Variants in PRELID2 observed in about 807,000 individuals in gnomAD.
The protein encoded by PRELID2 is PRELI domain-containing protein 2.
Under a neutral mutation model 28.4 loss-of-function variants are expected in PRELID2, and 25 were observed. That is an observed-to-expected ratio of 0.88 (90% CI 0.64 to 1.23). The LOEUF is 1.23. Ranked by LOEUF, PRELID2 falls within the 50% of genes most tolerant of loss-of-function variation. PRELID2 has a pLI of 0.00. For synonymous variants in PRELID2, 76 were observed against 71.6 expected, an observed-to-expected ratio of 1.06 and a Z score of -0.31; for missense variants, 201 against 214.4, an observed-to-expected ratio of 0.94 and a Z score of 0.39.
the PRELID2 span, among the ~76,000 whole-genome samples, chr5:145,416,641 C>G: frequency 3.3e-5 from 5 of 152,020 alleles, no homozygotes; most frequent in Non-Finnish European, 7.4e-5. Flanking sequence ...TGGGACACAG[C>G]TAAAGCAGCA....
intron 1 of PRELID2, among the ~76,000 whole-genome samples, chr5:145,676,631 A>C (rs1255832727): frequency 6.6e-6 from 1 of 152,168 alleles, no homozygotes; most frequent in Non-Finnish European, 1.5e-5. Context: ...CATTTAACCC[A>C]CTTTTCCTGA....
chr5:145,824,651 A>C (rs1408828916), intron 1 of PRELID2, among the ~76,000 whole-genome samples: 1 of 152,142 alleles, frequency 6.6e-6, no homozygotes, highest in Non-Finnish European at 1.5e-5. Flanking sequence ...AAAAGCACTC[A>C]GTCAATATTT....
chr5:145,431,460 A>G, the PRELID2 span, among the ~76,000 whole-genome samples: 1 of 152,210 alleles, frequency 6.6e-6, no homozygotes, highest in South Asian at 2.1e-4. Context: ...ATACTTACGA[A>G]TTTCAAAGGG....
intron 1 of PRELID2, among the ~76,000 whole-genome samples, chr5:145,545,531 G>A (rs1452502598): frequency 1.3e-5 from 2 of 151,518 alleles, no homozygotes; most frequent in Non-Finnish European, 2.9e-5. Context: ...TTCCACCTGT[G>A]GTCAAATTCT....
the PRELID2 span, among the ~76,000 whole-genome samples, chr5:145,361,524 T>C: frequency 5.3e-5 from 8 of 152,164 alleles, no homozygotes; most frequent in Non-Finnish European, 8.8e-5. Flanking sequence ...TTTAATCTTA[T>C]ATTCAGCATT....
At chr5:145,303,544 T>C in the PRELID2 span, among the ~76,000 whole-genome samples, 1 of 152,332 alleles carries the variant, frequency 6.6e-6, no homozygotes, top group East Asian at 1.9e-4. Context: ...TGTCTTACTC[T>C]CTGCATCTCT....
At chr5:145,357,073 T>A in the PRELID2 span, among the ~76,000 whole-genome samples, 3 of 152,190 alleles carry the variant, frequency 2.0e-5, no homozygotes, top group Admixed American at 2.0e-4. Flanking sequence ...GCCCCCAATA[T>A]CTTCTGGCTT....
chr5:145,625,868 T>G (rs1202054090), intron 1 of PRELID2, among the ~76,000 whole-genome samples: 2 of 152,150 alleles, frequency 1.3e-5, no homozygotes, highest in Non-Finnish European at 2.9e-5. Flanking sequence ...CAACTATTGT[T>G]GGCTCTACTT....
At chr5:145,408,111 T>C in the PRELID2 span, among the ~76,000 whole-genome samples, 4 of 151,806 alleles carry the variant, frequency 2.6e-5, no homozygotes, top group South Asian at 6.2e-4. Flanking sequence ...GAGCACCACA[T>C]TGAGGAATTA....
At chr5:145,684,700 G>T (rs1755002071) in intron 1 of PRELID2, among the ~76,000 whole-genome samples, 1 of 152,186 alleles carries the variant, frequency 6.6e-6, no homozygotes, top group Non-Finnish European at 1.5e-5. Context: ...TAAAGTCCCT[G>T]CTCTTAACCA....
chr5:145,659,583 T>C lies in PRELID2; in HGVS notation n.70+105348A>G, dbSNP rs567982794. Among the ~76,000 whole-genome samples the C allele has an allele frequency of 2.2e-4, 34 of 152,266 alleles. No individual in the cohort carries two copies. In the South Asian group the frequency reaches 7.1e-3, roughly 32 times the overall value. On this transcript the variant is annotated intron_variant and non_coding_transcript_variant, in intron 1 of 2. Transcript: ENST00000510259. ...AGGACTCTCCTAGCTTAGAATGGGA[T>C]GTGGGGAAGGCATGGTGGGAAAGGG...
intron 1 of PRELID2, among the ~76,000 whole-genome samples, chr5:145,542,780 T>TCTTTCTTA (rs1752754950): frequency 8.8e-6 from 1 of 113,124 alleles, no homozygotes; most frequent in Admixed American, 8.5e-5. Context: ...TTTCTTTCTT[T>TCTTTCTTA]CTTTCTGTCT....
the PRELID2 span, among the ~76,000 whole-genome samples, chr5:145,263,363 C>A: frequency 6.6e-6 from 1 of 151,876 alleles, no homozygotes; most frequent in Admixed American, 6.6e-5. Flanking sequence ...AACATTCTAC[C>A]CAATAACTGC....
chr5:145,357,848 G>A, the PRELID2 span, among the ~76,000 whole-genome samples: 1 of 151,666 alleles, frequency 6.6e-6, no homozygotes, highest in Non-Finnish European at 1.5e-5. Context: ...GAGATCCCAT[G>A]CTAGTTCTTT....
chr5:145,481,623 C>CATAAAAAAAAAAAAAAAAAA (rs1752160236), intron 1 of PRELID2, among the ~76,000 whole-genome samples: 1 of 41,862 alleles, frequency 2.4e-5, no homozygotes, highest in Non-Finnish European at 3.8e-5. Flanking sequence ...GCAAGGAAAT[C>CATAAAAAAAAAAAAAAAAAA]AAAAAAAAAA....
chr5:145,738,126 C>T (rs1039308773), intron 1 of PRELID2, among the ~76,000 whole-genome samples: 2 of 152,154 alleles, frequency 1.3e-5, no homozygotes, highest in Non-Finnish European at 2.9e-5. Context: ...AATCCACTGC[C>T]TCAGATGTCA....
At chr5:145,282,964 TA>T in the PRELID2 span, among the ~76,000 whole-genome samples, 8 of 152,306 alleles carry the variant, frequency 5.3e-5, no homozygotes, top group Non-Finnish European at 1.2e-4. Context: ...GTGGGATGGT[TA>T]AGAATAAGTT....
At chr5:145,797,387 T>C (rs974433181) in intron 4 of PRELID2, among the ~76,000 whole-genome samples, 7 of 152,208 alleles carry the variant, frequency 4.6e-5, no homozygotes, top group East Asian at 1.9e-4. Context: ...CCACCCAGCA[T>C]AGTGTAACGC....
downstream of PRELID2, among the ~76,000 whole-genome samples, chr5:145,468,040 A>G (rs930286398): frequency 6.6e-6 from 1 of 152,024 alleles, no homozygotes; most frequent in Non-Finnish European, 1.5e-5. Flanking sequence ...TACATTAGGT[A>G]TATCTCCTAA....
Sources: gnomAD v4.1 joint callset for allele counts (sites outside exome capture counted in the v4.1 genomes callset) on GRCh38, gnomAD v4.1.1 for gene constraint, MANE v1.5 for transcripts, NCBI Gene and HGNC (gene_info 2026-07-23, HGNC 2026-07-21) for gene names.